Variants in PCNX2 observed in about 807,000 individuals in gnomAD.
The protein encoded by PCNX2 is pecanex 2.
Under a neutral mutation model 223.8 loss-of-function variants are expected in PCNX2, and 168 were observed. The observed-to-expected ratio is 0.75, with a 90% CI of 0.66 to 0.85. The LOEUF is 0.85. Ranked by LOEUF, PCNX2 falls within the 40% of genes least tolerant of loss-of-function variation. PCNX2 has a pLI of 0.00. For synonymous variants in PCNX2, 1,006 were observed against 1,052.6 expected, an observed-to-expected ratio of 0.96 and a Z score of 0.86; for missense variants, 2,507 against 2,675.5, an observed-to-expected ratio of 0.94 and a Z score of 1.39.
intron 21 of PCNX2, 47 bp from the exon 22 acceptor site, chr1:233,095,910 G>C (rs753377380): frequency 1.6e-5 from 22 of 1,371,554 alleles, no homozygotes; most frequent in East Asian, 1.5e-4. Context: ...AATGACAACA[G>C]TGGTAACTGC....
intron 15 of PCNX2, among the ~76,000 whole-genome samples, chr1:233,184,619 C>G (rs1007894552): frequency 6.6e-6 from 1 of 152,056 alleles, no homozygotes; most frequent in Admixed American, 6.6e-5. Flanking sequence ...ACAAAAACAC[C>G]AAGGACAGCT....
At position 233,262,095 on chromosome 1, in the gene PCNX2, A is replaced by G; in HGVS notation, c.430T>C (p.Cys144Arg). 1.9e-6 allele frequency: 3 copies of G among 1,613,922 alleles called. No homozygotes were observed. Among genetic ancestry groups the G allele is most frequent in the Non-Finnish European group, 2.5e-6 (3 of 1,179,834 alleles). The change falls in exon 3 of 34, where the codon TGC (cysteine) becomes CGC (arginine). Residue 144 changes from cysteine (C) to arginine (R), a missense_variant. By Grantham distance (180) the Cys-to-Arg change is radical. This residue lies in a region of PCNX2 where 1,031 missense variants were observed against 1,021.7 expected (regional missense o/e 1.01). Transcript: ENST00000258229. Reference sequence around the variant, plus strand: ...GTTATGCTTTGCCCTCTGGAGCTGCAGCGGAGGGGAGGCGTGGAGAGGTTT... The same window carrying G: ...GTTATGCTTTGCCCTCTGGAGCTGCGGCGGAGGGGAGGCGTGGAGAGGTTT... ...SRNLSTPPLRCSSRGQSITSH... is the reference protein window; with the variant it reads ...SRNLSTPPLRRSSRGQSITSH...
In PCNX2 at chr1:233,207,559, T is replaced by A. The variant is rs1356176300; in HGVS notation, c.2863+959A>T. On this transcript the variant is annotated intron_variant, in intron 13 of 33. Transcript: ENST00000258229. ...AAAAGGGACAACAACAGCTGATGCTTGGTGCCCAGCACTGCTCTCTATGTC... is the reference window on the plus strand; with the variant it reads ...AAAAGGGACAACAACAGCTGATGCTAGGTGCCCAGCACTGCTCTCTATGTC... Among the ~76,000 whole-genome samples the A allele has an allele frequency of 2.0e-5, 3 of 152,200 alleles. 1 individual carries two copies. Among genetic ancestry groups the A allele is most frequent in the Middle Eastern group, 6.3e-3 (2 of 316 alleles).
At chr1:233,286,056 AC>A (rs770539631) in intron 1 of PCNX2, among the ~76,000 whole-genome samples, 6 of 152,226 alleles carry the variant, frequency 3.9e-5, no homozygotes, top group Non-Finnish European at 7.3e-5. Flanking sequence ...AATTTCTGGG[AC>A]AAAAAAACAT....
intron 23 of PCNX2, chr1:233,086,933 A>G (rs1421010686): frequency 3.8e-6 from 3 of 787,620 alleles, no homozygotes; most frequent in East Asian, 1.3e-4. Context: ...GTTTTAGGAC[A>G]GCTATCCTAG....
chr1:233,231,418 T>C (rs992474573), intron 9 of PCNX2, among the ~76,000 whole-genome samples: 8 of 152,058 alleles, frequency 5.3e-5, no homozygotes, highest in African/African-American at 9.7e-5. Context: ...ATTTGTGATT[T>C]TGAGAATGAA....
chr1:233,180,859 C>G (rs1219778734), intron 15 of PCNX2: 1 of 152,326 alleles, frequency 6.6e-6, no homozygotes. Flanking sequence ...CACAGCTCCC[C>G]ACACCAGGAC....
Position 233,188,660 on chromosome 1 carries a change from T to C in PCNX2, c.3067-9485A>G, listed in dbSNP as rs1432600689. ...GCCTCAACCTCCCAAGTAGCTGGGATTACAGGTGCACGCCACCATGCCCAA... is the reference window on the plus strand; with the variant it reads ...GCCTCAACCTCCCAAGTAGCTGGGACTACAGGTGCACGCCACCATGCCCAA... On this transcript the variant is annotated intron_variant, in intron 15 of 33. Coordinates refer to ENST00000258229, the MANE Select transcript of PCNX2 (RefSeq NM_014801.4). Among the ~76,000 whole-genome samples, 5 of 151,982 alleles carry C rather than the reference T, an allele frequency of 3.3e-5. No homozygotes were observed. The East Asian group carries it at 9.7e-4, about 29-fold the overall frequency.
chr1:233,080,449 G>A (rs965310468), intron 23 of PCNX2, among the ~76,000 whole-genome samples: 1 of 151,390 alleles, frequency 6.6e-6, no homozygotes, highest in African/African-American at 2.4e-5. Context: ...TCTTGTCTTA[G>A]TCACTTTAGG....
chr1:233,180,346 G>T (rs1478643017), intron 15 of PCNX2, among the ~76,000 whole-genome samples: 2 of 151,948 alleles, frequency 1.3e-5, no homozygotes, highest in Non-Finnish European at 2.9e-5. Context: ...TGGTGGCCTG[G>T]GACTCCAGCT....
chr1:233,137,038 A>G (rs947214385), intron 20 of PCNX2, among the ~76,000 whole-genome samples: 42 of 152,330 alleles, frequency 2.8e-4, no homozygotes, highest in African/African-American at 9.1e-4. Context: ...TTGCAATAGT[A>G]ACAGCTACCA....
At chr1:233,323,499 CT>C in the PCNX2 span, among the ~76,000 whole-genome samples, 2 of 152,224 alleles carry the variant, frequency 1.3e-5, no homozygotes, top group African/African-American at 2.4e-5. Flanking sequence ...TTGGTGCCAT[CT>C]TTTCCAACAG....
At chr1:233,236,820 A>G (rs755660830) in intron 9 of PCNX2, 25 bp downstream of exon 9, 1 of 1,604,408 alleles carries the variant, frequency 6.2e-7, no homozygotes, top group South Asian at 1.1e-5. Context: ...AACATCCACA[A>G]ACAGCAATTC....
Position 233,057,246 on chromosome 1 carries a change from A to G in PCNX2, c.4121T>C (p.Ile1374Thr), listed in dbSNP as rs984214315. 6 of 1,608,170 alleles carry G rather than the reference A, an allele frequency of 3.7e-6. No homozygotes were observed. The African/African-American group carries it at 5.4e-5, about 14-fold the overall frequency. Residue 1374 changes from isoleucine (I) to threonine (T), a missense_variant, in exon 24 of 34, where the codon ATT becomes ACT. Around this residue, in one of 3 missense-constraint regions of PCNX2, gnomAD observed 1,372 missense variants for 1,509.4 expected, o/e 0.91. Transcript: ENST00000258229. ...GATCTTCTTACCTGGATCTCTTTCA[A>G]TTTGGACTGCCAGTCTTGTGTTGGA... ...DNSNTRLAVQIERDPGNDDNN... is the reference protein window; with the variant it reads ...DNSNTRLAVQTERDPGNDDNN...
Position 233,196,126 on chromosome 1 carries a change from C to A in PCNX2, c.3066+2813G>T, listed in dbSNP as rs192609523. Among the ~76,000 whole-genome samples, 347 of 152,162 alleles carry A rather than the reference C, an allele frequency of 2.3e-3. 3 individuals are homozygous for A. The highest frequency in any genetic ancestry group is 8.1e-3 in the African/African-American group (337 of 41,528). ...TGGTTCTAAACGTTCCATGATAATT[C>A]AACGGAGAAAGGTTAGTGTTTTCAA... On this transcript the variant is annotated intron_variant, in intron 15 of 33. Transcript: ENST00000258229.
intron 17 of PCNX2, among the ~76,000 whole-genome samples, chr1:233,165,826 A>C (rs1412997261): frequency 6.6e-6 from 1 of 152,240 alleles, no homozygotes; most frequent in Non-Finnish European, 1.5e-5. Flanking sequence ...AATTGTAATG[A>C]AAATTCTAGC....
chr1:233,101,881 A>G (rs1674499331), intron 21 of PCNX2, among the ~76,000 whole-genome samples: 1 of 152,176 alleles, frequency 6.6e-6, no homozygotes, highest in African/African-American at 2.4e-5. Context: ...AAAAGCAAAA[A>G]GAGTTTGCCT....
At chr1:233,083,891 G>A (rs900155898) in intron 23 of PCNX2, among the ~76,000 whole-genome samples, 4 of 152,034 alleles carry the variant, frequency 2.6e-5, no homozygotes, top group Non-Finnish European at 4.4e-5. Context: ...GGCCTTCTGC[G>A]GTTTCAGAAA....
chr1:232,991,738 C>T lies in PCNX2; in HGVS notation c.5792-5198G>A, dbSNP rs743196. Among the ~76,000 whole-genome samples the T allele has an allele frequency of 0.28, 42,151 of 151,818 alleles. 6,052 individuals carry two copies. The highest frequency in any genetic ancestry group is 0.33 in the African/African-American group (13,628 of 41,366). On this transcript the variant is annotated intron_variant, in intron 32 of 33. Transcript: ENST00000258229. The surrounding 1 kb of genome is among the most constrained non-coding windows in gnomAD (Gnocchi z 4.3). ...GAGGCCGGGGGATGCCTAAGATGGC[C>T]GGTGAACCACCACAAGCTAGGGAAG...
Sources: gnomAD v4.1 joint callset for allele counts (sites outside exome capture counted in the v4.1 genomes callset) on GRCh38, gnomAD v4.1.1 for gene constraint, gnomAD v4.1.1 regional missense constraint, Gnocchi (gnomAD v3.1) non-coding constraint, MANE v1.5 for transcripts, NCBI Gene and HGNC (gene_info 2026-07-23, HGNC 2026-07-21) for gene names.